The following CAB39 variants were observed in gnomAD, a reference collection of about 807,000 sequenced individuals.
CAB39 encodes calcium binding protein 39.
Under a neutral mutation model 40.0 loss-of-function variants are expected in CAB39, and 8 were observed. The ratio of observed to expected loss-of-function variants is 0.20; its 90% CI spans 0.12 to 0.36. The LOEUF is 0.36. Ranked by LOEUF, CAB39 falls within the 10% of genes least tolerant of loss-of-function variation. The probability of loss-of-function intolerance (pLI) is 1.00; values close to 1 mark genes in which losing one functional copy is unlikely to be tolerated. For synonymous variants in CAB39, 156 were observed against 141.6 expected (o/e 1.10, Z -0.72); for missense variants, 270 against 401.1 (o/e 0.67, Z 2.79).
chr2:230,725,180 C>G, intron 1 of CAB39: 1 of 1,612,506 alleles, frequency 6.2e-7, no homozygotes, highest in Non-Finnish European at 8.5e-7. Flanking sequence ...AAGGCAGTCC[C>G]GGGACTGCTT....
chr2:230,799,157 A>G (rs1194217225), intron 5 of CAB39: 1 of 398,538 alleles, frequency 2.5e-6, no homozygotes, highest in Non-Finnish European at 4.5e-6. Flanking sequence ...AATTATAATT[A>G]AGTATGGTAT....
At chr2:230,745,368 A>G (rs1253309966) in intron 1 of CAB39, among the ~76,000 whole-genome samples, 1 of 152,220 alleles carries the variant, frequency 6.6e-6, no homozygotes, top group Non-Finnish European at 1.5e-5. Flanking sequence ...AGAAAAATGT[A>G]GACATGTGCC....
chr2:230,726,696 TC>T (rs757520218), intron 1 of CAB39, among the ~76,000 whole-genome samples: 5 of 152,066 alleles, frequency 3.3e-5, no homozygotes, highest in Non-Finnish European at 7.4e-5. Flanking sequence ...GTTAAAATCA[TC>T]CATTTCTGTT....
intron 1 of CAB39, among the ~76,000 whole-genome samples, chr2:230,729,976 C>G (rs1200816321): frequency 2.6e-5 from 4 of 152,002 alleles, no homozygotes; most frequent in Non-Finnish European, 5.9e-5. Flanking sequence ...CAGGTTGAAT[C>G]AGTGTAGTAT....
chr2:230,755,056 C>T (rs900087879), intron 1 of CAB39, among the ~76,000 whole-genome samples: 1 of 152,040 alleles, frequency 6.6e-6, no homozygotes, highest in African/African-American at 2.4e-5. Flanking sequence ...CATATATATA[C>T]ATACATACAC....
intron 1 of CAB39, among the ~76,000 whole-genome samples, chr2:230,733,783 A>G (rs888395051): frequency 3.3e-5 from 5 of 152,200 alleles, no homozygotes; most frequent in African/African-American, 4.8e-5. Flanking sequence ...TTTTAGAGCA[A>G]ATGTTTCCAA....
In CAB39 at chr2:230,775,489, C is replaced by T. The variant is rs543107003; in HGVS notation, c.114+15374C>T. Reference sequence around the variant, plus strand: ...GACCTGGTGATCCTCCCACTGTGGCCTCCCAAAGTGCTGGGATTACAGGCA... The same window carrying T: ...GACCTGGTGATCCTCCCACTGTGGCTTCCCAAAGTGCTGGGATTACAGGCA... On this transcript the variant is annotated intron_variant, in intron 2 of 8. Coordinates refer to ENST00000258418, the MANE Select transcript of CAB39 (RefSeq NM_016289.4). Among the ~76,000 whole-genome samples, 4 of 152,232 alleles carry T rather than the reference C, an allele frequency of 2.6e-5. 1 individual carries two copies. The highest frequency in any genetic ancestry group is 4.1e-4 in the South Asian group (2 of 4,822).
intron 2 of CAB39, among the ~76,000 whole-genome samples, chr2:230,776,060 AAAC>A (rs1209629886): frequency 6.7e-6 from 1 of 149,320 alleles, no homozygotes; most frequent in Admixed American, 6.7e-5. Context: ...ACAGAATTTG[AAAC>A]AACCTATGGC....
intron 1 of CAB39, among the ~76,000 whole-genome samples, chr2:230,729,527 G>A (rs910895468): frequency 9.9e-5 from 15 of 152,140 alleles, no homozygotes; most frequent in Admixed American, 1.3e-4. Context: ...TGAGGTGGGT[G>A]GATCACCTGA....
At chr2:230,795,276 C>CA (rs397988179) in intron 4 of CAB39, among the ~76,000 whole-genome samples, 82,170 of 142,000 alleles carry the variant, frequency 0.58, 24,375 homozygotes, top group African/African-American at 0.79. Context: ...ACTTGATTTC[C>CA]AAAAAAAAAA....
intron 2 of CAB39, among the ~76,000 whole-genome samples, chr2:230,770,836 A>G (rs112929452): frequency 3.2e-4 from 48 of 152,316 alleles, no homozygotes; most frequent in African/African-American, 9.4e-4. Context: ...ACCAGCATCT[A>G]TTCCTGATAA....
rs1694539612 is a variant in CAB39, at chr2:230,725,121, A to T, written c.-44+11891A>T. 7 of 1,612,208 alleles carry T rather than the reference A, an allele frequency of 4.3e-6. No homozygotes were observed. In the Admixed American group the frequency reaches 8.3e-5, roughly 19 times the overall value. On this transcript the variant is annotated intron_variant, in intron 1 of 8. Transcript: ENST00000258418. ...TGCAAACTCTGGTTGAGGGCTGGGG[A>T]TTGAGAGCTTCCCAGAGAGCATCAC...
At chr2:230,784,778 A>G (rs1378695232) in intron 2 of CAB39, among the ~76,000 whole-genome samples, 1 of 152,272 alleles carries the variant, frequency 6.6e-6, no homozygotes, top group Middle Eastern at 3.4e-3. Flanking sequence ...CAGCAGAGAG[A>G]GCTTTACTTT....
intron 2 of CAB39, among the ~76,000 whole-genome samples, chr2:230,785,828 G>A (rs1695779648): frequency 6.6e-6 from 1 of 151,606 alleles, no homozygotes; most frequent in Admixed American, 6.6e-5. Flanking sequence ...GACTATAGGT[G>A]CATGCCACCA....
intron 1 of CAB39, among the ~76,000 whole-genome samples, chr2:230,742,665 G>A (rs1413478715): frequency 6.6e-6 from 1 of 151,988 alleles, no homozygotes; most frequent in Non-Finnish European, 1.5e-5. Flanking sequence ...TGGCTAATGG[G>A]CAATAGAGAT....
intron 1 of CAB39, among the ~76,000 whole-genome samples, chr2:230,726,185 C>T (rs1021967994): frequency 6.6e-6 from 1 of 151,218 alleles, no homozygotes; most frequent in Non-Finnish European, 1.5e-5. Context: ...TTTTTTTAGA[C>T]GGAGTCTCTC....
At chr2:230,814,460 C>T (rs1658165821) in intron 7 of CAB39, among the ~76,000 whole-genome samples, 2 of 152,010 alleles carry the variant, frequency 1.3e-5, no homozygotes, top group Admixed American at 6.6e-5. Flanking sequence ...GTGGCACAGG[C>T]AGGTGTGTGA....
chr2:230,782,789 G>C (rs1007983426), intron 2 of CAB39, among the ~76,000 whole-genome samples: 4 of 118,036 alleles, frequency 3.4e-5, no homozygotes, highest in South Asian at 2.6e-4. Context: ...ACAGACTGCT[G>C]TTTCTTTCTT....
chr2:230,784,406 G>A (rs1695751984), intron 2 of CAB39, among the ~76,000 whole-genome samples: 1 of 152,164 alleles, frequency 6.6e-6, no homozygotes, highest in Non-Finnish European at 1.5e-5. Context: ...ATTAGAGATA[G>A]GAATCTATGA....
Sources: gnomAD v4.1 joint callset for allele counts (sites outside exome capture counted in the v4.1 genomes callset) on GRCh38, gnomAD v4.1.1 for gene constraint, MANE v1.5 for transcripts, NCBI Gene and HGNC (gene_info 2026-07-23, HGNC 2026-07-21) for gene names.